Variants in COL4A1 observed in about 807,000 individuals in gnomAD.
COL4A1 encodes collagen type IV alpha 1 chain, also known as collagen alpha-1(IV) chain.
In COL4A1, 40 loss-of-function variants were observed where a neutral mutation model predicts 216.6. The ratio of observed to expected loss-of-function variants is 0.18; its 90% CI spans 0.14 to 0.24. The LOEUF (loss-of-function observed/expected upper bound fraction) is 0.24. Among genes scored for constraint, COL4A1 ranks in the 10% least tolerant of loss-of-function variants. The pLI, the probability that COL4A1 is intolerant of heterozygous loss-of-function variation, is 1.00. For missense variants in COL4A1, 1,628 were observed against 2,196.8 expected (o/e 0.74, Z 5.18); for synonymous variants, 839 against 810.7 (o/e 1.03, Z -0.59).
intron 2 of COL4A1, among the ~76,000 whole-genome samples, chr13:110,228,378 A>T (rs972964165): frequency 6.6e-6 from 1 of 152,146 alleles, no homozygotes; most frequent in Non-Finnish European, 1.5e-5. Flanking sequence ...CGTGCAAGGC[A>T]AGTTTTTAAT....
chr13:110,275,554 C>T (rs1309187862), intron 1 of COL4A1, among the ~76,000 whole-genome samples: 1 of 152,284 alleles, frequency 6.6e-6, no homozygotes, highest in South Asian at 2.1e-4. Flanking sequence ...TTGCTATTTA[C>T]CCAAATGAGC....
intron 1 of COL4A1, among the ~76,000 whole-genome samples, chr13:110,295,892 C>T (rs896698482): frequency 6.6e-6 from 1 of 152,256 alleles, no homozygotes; most frequent in Non-Finnish European, 1.5e-5. Context: ...AAGTCAGCTC[C>T]AGCTCTCCGG....
chr13:110,155,420 C>T (rs1312582246), intron 49 of COL4A1, 23 bp from the exon 50 acceptor site: 1 of 1,587,092 alleles, frequency 6.3e-7, no homozygotes, highest in Admixed American at 1.7e-5. Context: ...CAGAGACACT[C>T]AGCACAGCCG....
chr13:110,219,037 T>A (rs928673977), intron 2 of COL4A1, among the ~76,000 whole-genome samples: 1 of 152,124 alleles, frequency 6.6e-6, no homozygotes, highest in African/African-American at 2.4e-5. Context: ...GCAGGACCAT[T>A]TCCTGAATGC....
At chr13:110,205,071 G>A (rs1055039259) in intron 17 of COL4A1, among the ~76,000 whole-genome samples, 5 of 152,054 alleles carry the variant, frequency 3.3e-5, no homozygotes, top group Admixed American at 6.5e-5. Flanking sequence ...TCTTTACCTC[G>A]TGATATCTTT....
At chr13:110,302,156 G>C (rs943835819) in intron 1 of COL4A1, among the ~76,000 whole-genome samples, 2 of 152,146 alleles carry the variant, frequency 1.3e-5, no homozygotes, top group African/African-American at 4.8e-5. Context: ...CTTTGTGACT[G>C]AGCAGATGCA....
At chr13:110,182,901 C>T (rs933262285) in intron 28 of COL4A1, 92 bp downstream of exon 28, 1 of 1,240,240 alleles carries the variant, frequency 8.1e-7, no homozygotes, top group Non-Finnish European at 1.1e-6. Flanking sequence ...CAGCGGTCAC[C>T]AGCTTCTGTG....
At chr13:110,291,018 G>T (rs549187791) in intron 1 of COL4A1, among the ~76,000 whole-genome samples, 4 of 152,208 alleles carry the variant, frequency 2.6e-5, no homozygotes, top group African/African-American at 9.6e-5. Flanking sequence ...CTCACAGGGC[G>T]GGTGGGGGGC....
chr13:110,214,112 G>C, intron 2 of COL4A1, 97 bp from the exon 3 acceptor site: 2 of 994,904 alleles, frequency 2.0e-6, no homozygotes, highest in Non-Finnish European at 3.2e-6. Flanking sequence ...TATTTTTTTT[G>C]AGATGGAGTC....
chr13:110,165,090 C>T (rs779543615), intron 45 of COL4A1, 100 bp from the exon 46 acceptor site: 42 of 1,520,886 alleles, frequency 2.8e-5, no homozygotes, highest in South Asian at 6.2e-5. Context: ...CCAAATGGAA[C>T]GTACTTCTCA....
Position 110,183,020 on chromosome 13 carries a change from C to T in COL4A1, c.2068G>A (p.Gly690Arg). ...TTGGGGCCGGGGGGCCCTGGAAATC[C>T]AATGCCTGGCTGGCCCACAGCGCCC... ...EKGAVGQPGIGFPGPPGPKGV... is the reference protein window; with the variant it reads ...EKGAVGQPGIRFPGPPGPKGV... Residue 690 changes from glycine (G) to arginine (R), a missense_variant, in exon 28 of 52, where the codon GGA becomes AGA. Physicochemically the swap from Gly to Arg is moderately radical, Grantham distance 125. Around this residue, in one of 8 missense-constraint regions of COL4A1, gnomAD observed 701 missense variants for 892.5 expected, o/e 0.79. Transcript: ENST00000375820. 1 of 1,613,182 alleles carries T rather than the reference C, an allele frequency of 6.2e-7. No individual in the cohort carries two copies. Among genetic ancestry groups the T allele is most frequent in the Non-Finnish European group, 8.5e-7 (1 of 1,179,874 alleles).
chr13:110,201,024 G>C lies in COL4A1; in HGVS notation c.1085-135C>G, dbSNP rs778315803. ...CCAAAGGGAACGTAGAAAACAGAGC[G>C]GGAGACCACCCGAGCCCCCACTCTG... On this transcript the variant is annotated intron_variant, in intron 19 of 51. Coordinates refer to ENST00000375820, the MANE Select transcript of COL4A1 (RefSeq NM_001845.6). 1.1e-5 allele frequency: 10 copies of C among 938,344 alleles called. No individual in the cohort carries two copies. In the East Asian group the frequency reaches 2.5e-4, roughly 24 times the overall value. The allele number at this position is 938,344 out of a possible 1,614,324, so 58.1% of individuals were successfully genotyped here.
rs191463108 is a variant in COL4A1 at position 110,189,647 on chromosome 13, T to C, written c.1537-2318A>G. Among the ~76,000 whole-genome samples, 150 of 152,308 alleles carry C rather than the reference T, an allele frequency of 9.8e-4. 2 individuals carry two copies. The highest frequency in any genetic ancestry group is 3.4e-3 in the African/African-American group (143 of 41,564). On this transcript the variant is annotated intron_variant, in intron 24 of 51. Transcript: ENST00000375820. The stretch of plus-strand genomic sequence containing the variant: ...AATTGTAGCAGAGAGTCATGGAAAA[T>C]TTGTTATTTACTTGAAAGGTGTTTT...
chr13:110,162,993 T>G (rs1327506995), intron 47 of COL4A1, among the ~76,000 whole-genome samples: 1 of 152,270 alleles, frequency 6.6e-6, no homozygotes, highest in Non-Finnish European at 1.5e-5. Context: ...CCAGGTCTGC[T>G]GGGCTGAGCT....
At chr13:110,198,368 C>A in intron 21 of COL4A1, 99 bp downstream of exon 21, 1 of 1,329,750 alleles carries the variant, frequency 7.5e-7, no homozygotes. Context: ...TTCTATTACA[C>A]TCTGGCTGTG....
chr13:110,275,042 C>G (rs1185862274), intron 1 of COL4A1, among the ~76,000 whole-genome samples: 1 of 152,152 alleles, frequency 6.6e-6, no homozygotes, highest in African/African-American at 2.4e-5. Flanking sequence ...AGGCATGATC[C>G]ATGAAAGAAA....
chr13:110,238,903 C>T (rs892637493), intron 2 of COL4A1, among the ~76,000 whole-genome samples: 2 of 152,174 alleles, frequency 1.3e-5, no homozygotes, highest in African/African-American at 2.4e-5. Context: ...AAAAGAAGAG[C>T]TTAACTTTTG....
intron 22 of COL4A1, among the ~76,000 whole-genome samples, 159 bp from the exon 23 acceptor site, chr13:110,193,072 T>C (rs1238934602): frequency 6.6e-6 from 1 of 152,228 alleles, no homozygotes; most frequent in African/African-American, 2.4e-5. Context: ...TCTCTGCTAA[T>C]GGGTGGAAAC....
chr13:110,234,653 G>A (rs924921659), intron 2 of COL4A1, among the ~76,000 whole-genome samples: 11 of 152,126 alleles, frequency 7.2e-5, no homozygotes, highest in Non-Finnish European at 1.3e-4. Context: ...CAGCACCCAC[G>A]GAAGGTCCAG....
Sources: gnomAD v4.1 joint callset for allele counts (sites outside exome capture counted in the v4.1 genomes callset) on GRCh38, gnomAD v4.1.1 for gene constraint, gnomAD v4.1.1 regional missense constraint, MANE v1.5 for transcripts, NCBI Gene and HGNC (gene_info 2026-07-23, HGNC 2026-07-21) for gene names.